Variants in ARHGEF5 observed in about 807,000 individuals in gnomAD.
The protein encoded by ARHGEF5 is Rho guanine nucleotide exchange factor (GEF) 5.
A neutral mutation model predicts 104.0 loss-of-function variants in ARHGEF5; 11 were observed. The ratio of observed to expected loss-of-function variants is 0.11; its 90% CI spans 0.07 to 0.18. The LOEUF (loss-of-function observed/expected upper bound fraction) is 0.18. Among genes scored for constraint, ARHGEF5 ranks in the 10% least tolerant of loss-of-function variants. The pLI, the probability that ARHGEF5 is intolerant of heterozygous loss-of-function variation, is 1.00. For synonymous variants in ARHGEF5, 60 were observed against 512.2 expected (o/e 0.12, Z 11.92); for missense variants, 165 against 1,335.4 (o/e 0.12, Z 13.66).
At chr7:144,378,128 C>T (rs1216077763) in intron 13 of ARHGEF5, among the ~76,000 whole-genome samples, 1 of 152,206 alleles carries the variant, frequency 6.6e-6, no homozygotes, top group African/African-American at 2.4e-5. Context: ...ATGGACATGT[C>T]TCCTGGTTCT....
At chr7:144,361,020 G>T (rs1397778991) in intron 1 of ARHGEF5, among the ~76,000 whole-genome samples, 4 of 145,078 alleles carry the variant, frequency 2.8e-5, no homozygotes, top group Non-Finnish European at 4.6e-5. Context: ...ACGAGGTCAG[G>T]AGATTGAGAC....
chr7:144,371,390 A>AT (rs1258828380), intron 6 of ARHGEF5, 69 bp downstream of exon 6: 662 of 1,226,996 alleles, frequency 5.4e-4, no homozygotes, highest in Non-Finnish European at 7.1e-4. Context: ...ATGTTCCGTT[A>AT]TTTTTTTCCC....
intron 10 of ARHGEF5, among the ~76,000 whole-genome samples, chr7:144,374,068 G>A (rs1320070727): frequency 8.9e-5 from 10 of 112,892 alleles, no homozygotes; most frequent in Non-Finnish European, 1.5e-4. Context: ...TCTCCAACTC[G>A]TAGCCTCAAG....
At chr7:144,373,934 C>G (rs1175567415) in intron 10 of ARHGEF5, among the ~76,000 whole-genome samples, 1 of 131,880 alleles carries the variant, frequency 7.6e-6, no homozygotes, top group African/African-American at 2.8e-5. Context: ...CTCCACCTCC[C>G]AGGTTCAAGC....
intron 5 of ARHGEF5, among the ~76,000 whole-genome samples, chr7:144,370,658 G>T (rs538411217): frequency 2.0e-5 from 3 of 148,884 alleles, no homozygotes; most frequent in East Asian, 3.9e-4. Flanking sequence ...TAGAGACAGG[G>T]TCTCTCTACG....
Position 144,372,005 on chromosome 7 carries a change from AG to A in ARHGEF5, c.3823del (p.Glu1275AsnfsTer7). 1 of 109,344 alleles carries A rather than the reference AG, an allele frequency of 9.1e-6. No individual in the cohort carries two copies. Among genetic ancestry groups the A allele is most frequent in the Non-Finnish European group, 1.6e-5 (1 of 63,422 alleles). The allele number at this position is 109,344 out of a possible 1,614,324, so 6.8% of individuals were successfully genotyped here. ...CCTTATGTCACCAACCAGACCTATC[AG>A]GAACGCACCTTCCAGAGCCTGATGT... ...YLPYVTNQTY[Q>X]ERTFQSLMNS... On this transcript the variant is annotated frameshift_variant, in exon 7 of 15. Coordinates refer to ENST00000056217, the MANE Select transcript of ARHGEF5 (RefSeq NM_005435.4). LOFTEE classifies it high-confidence loss of function.
Position 144,377,332 on chromosome 7 carries a change from T to C in ARHGEF5, c.4531+142T>C, listed in dbSNP as rs139990614. ...AATGTCAGGGTGGAAGATTGGCCTC[T>C]AGAGCTTAAAAACCTGAAATATATC... On this transcript the variant is annotated intron_variant, in intron 13 of 14. Transcript: ENST00000056217. 64 of 1,474,214 alleles carry C rather than the reference T, an allele frequency of 4.3e-5. No individual in the cohort carries two copies. In the Middle Eastern group the frequency reaches 1.1e-3, roughly 24 times the overall value. The allele number at this position is 1,474,214 out of a possible 1,614,324, so 91.3% of individuals were successfully genotyped here. A position where few individuals can be genotyped will look rare whatever the true frequency, so the allele number is the denominator to read the frequency against.
Position 144,364,525 on chromosome 7 carries a change from TG to T in ARHGEF5, c.1858del (p.Val620TrpfsTer25), listed in dbSNP as rs1291653043. ...GSHRTEQTPD[L>X]VGMLLSYSHS... ...CACAGGACAGAGCAGACTCCAGACCTGGTGGGAATGTTGCTTTCCTACTCCC... is the reference window on the plus strand; with the variant it reads ...CACAGGACAGAGCAGACTCCAGACCTGTGGGAATGTTGCTTTCCTACTCCC... On this transcript the variant is annotated frameshift_variant, in exon 2 of 15. Coordinates refer to ENST00000056217, the MANE Select transcript of ARHGEF5 (RefSeq NM_005435.4). LOFTEE classifies it high-confidence loss of function. The T allele has an allele frequency of 1.8e-5, 4 of 218,194 alleles. No homozygotes were observed. In the East Asian group the frequency reaches 3.0e-4, roughly 16 times the overall value. 13.5% of individuals were successfully genotyped at this position (218,194 alleles called of 1,614,324 possible).
chr7:144,357,409 A>G (rs2053604572), intron 1 of ARHGEF5, among the ~76,000 whole-genome samples: 2 of 135,960 alleles, frequency 1.5e-5, no homozygotes, highest in Non-Finnish European at 3.2e-5. Context: ...TAGAACACAC[A>G]CTGTAGTAGT....
At position 144,380,133 on chromosome 7, in the gene ARHGEF5, G is replaced by A. The variant is rs573094905; in HGVS notation, c.*77G>A. The A allele has an allele frequency of 1.3e-6, 2 of 1,566,530 alleles. No individual in the cohort carries two copies. The highest frequency in any genetic ancestry group is 1.7e-6 in the Non-Finnish European group (2 of 1,145,776). The stretch of plus-strand genomic sequence containing the variant: ...GGGCTGGCCCCAGAACCCTGCAAGA[G>A]AGGCCTTCTGTGGATGGAGAACTAG... On this transcript the variant is annotated 3_prime_UTR_variant, in exon 15 of 15. Coordinates refer to ENST00000056217, the MANE Select transcript of ARHGEF5 (RefSeq NM_005435.4).
intron 13 of ARHGEF5, 51 bp downstream of exon 13, chr7:144,377,241 C>G (rs1296242772): frequency 6.7e-7 from 1 of 1,491,326 alleles, no homozygotes; most frequent in African/African-American, 1.4e-5. Context: ...CAGATGTCAC[C>G]TTTGGATACA....
At chr7:144,358,781 G>T (rs1475532483) in intron 1 of ARHGEF5, among the ~76,000 whole-genome samples, 1 of 131,510 alleles carries the variant, frequency 7.6e-6, no homozygotes, top group African/African-American at 2.8e-5. Context: ...GTGTGTGTGT[G>T]TGTGTGTGTG....
intron 13 of ARHGEF5, among the ~76,000 whole-genome samples, chr7:144,378,147 T>C (rs2053774683): frequency 6.6e-6 from 1 of 152,160 alleles, no homozygotes. Context: ...CTCAAAAACA[T>C]AGAAATAGAG....
chr7:144,361,021 A>T (rs1379535839), intron 1 of ARHGEF5, among the ~76,000 whole-genome samples: 2 of 145,048 alleles, frequency 1.4e-5, no homozygotes, highest in Non-Finnish European at 3.1e-5. Flanking sequence ...CGAGGTCAGG[A>T]GATTGAGACC....
chr7:144,359,358 CA>C (rs1280592940), intron 1 of ARHGEF5, among the ~76,000 whole-genome samples: 1 of 141,172 alleles, frequency 7.1e-6, no homozygotes, highest in Non-Finnish European at 1.6e-5. Context: ...GCAAAGATAC[CA>C]GAGAGGCACA....
chr7:144,380,232 T>TTGG lies in ARHGEF5; in HGVS notation c.*180_*182dup, dbSNP rs2053791589. ...CCAGGCCTCCTTTCGTGCTTTGTGC[T>TTGG]TGGTGGGGGGGATTTCGAGGGACTT... On this transcript the variant is annotated 3_prime_UTR_variant, in exon 15 of 15. Transcript: ENST00000056217. The TTGG allele has an allele frequency of 2.7e-6, 2 of 743,102 alleles. No homozygotes were observed. 46.0% of individuals were successfully genotyped at this position (743,102 alleles called of 1,614,324 possible). A position where few individuals can be genotyped will look rare whatever the true frequency, so the allele number is the denominator to read the frequency against.
Position 144,365,332 on chromosome 7 carries a change from C to A in ARHGEF5, c.2663C>A (p.Pro888His). ...TRPACQDWTV[P>H]LPASAGRTSW... ...CCTGCTTGTCAAGACTGGACAGTCCCCCTCCCTGCCTCTGCTGGACGCACC... is the reference window on the plus strand; with the variant it reads ...CCTGCTTGTCAAGACTGGACAGTCCACCTCCCTGCCTCTGCTGGACGCACC... Residue 888 changes from proline (P) to histidine (H), a missense_variant, in exon 2 of 15, where the codon CCC (proline) becomes CAC (histidine). Physicochemically the swap from Pro to His is moderately conservative, Grantham distance 77. Coordinates refer to ENST00000056217, the MANE Select transcript of ARHGEF5 (RefSeq NM_005435.4). 1 of 1,587,424 alleles carries A rather than the reference C, an allele frequency of 6.3e-7. No individual in the cohort carries two copies. Among genetic ancestry groups the A allele is most frequent in the African/African-American group, 1.4e-5 (1 of 73,602 alleles).
rs1307427930 is a variant in ARHGEF5, at chr7:144,370,263, T to TA, written c.3532-889dup. The stretch of plus-strand genomic sequence containing the variant: ...AAGACTCCATCTCAATTCCAAAAAA[T>TA]AAAAAAAAATAACTTTATATAAAAC... On this transcript the variant is annotated intron_variant, in intron 5 of 14. Transcript: ENST00000056217. Among the ~76,000 whole-genome samples the TA allele has an allele frequency of 4.2e-3, 624 of 149,562 alleles. 5 individuals carry two copies. The highest frequency in any genetic ancestry group is 0.014 in the African/African-American group (586 of 40,634).
chr7:144,378,506 G>A (rs1046987306), intron 13 of ARHGEF5, among the ~76,000 whole-genome samples: 1 of 152,188 alleles, frequency 6.6e-6, no homozygotes, highest in South Asian at 2.1e-4. Flanking sequence ...TCATTAGCTG[G>A]ATCTCAGGTA....
Sources: gnomAD v4.1 joint callset for allele counts (sites outside exome capture counted in the v4.1 genomes callset) on GRCh38, gnomAD v4.1.1 for gene constraint, MANE v1.5 for transcripts, NCBI Gene and HGNC (gene_info 2026-07-23, HGNC 2026-07-21) for gene names.